The following ASTN2 variants were observed in gnomAD, a reference collection of about 807,000 sequenced individuals.
The protein encoded by ASTN2 is astrotactin-2.
In ASTN2, 54 loss-of-function variants were observed where a neutral mutation model predicts 139.8. The ratio of observed to expected loss-of-function variants is 0.39; its 90% confidence interval spans 0.31 to 0.48. The LOEUF is 0.48. Among genes scored for constraint, ASTN2 ranks in the 20% least tolerant of loss-of-function variants. The pLI is 0.95. For missense variants in ASTN2, 1,565 were observed against 1,725.1 expected (o/e 0.91, Z 1.64); for synonymous variants, 756 against 719.5 (o/e 1.05, Z -0.81).
At chr9:117,128,371 C>CAAAA (rs1167187783) in intron 4 of ASTN2, among the ~76,000 whole-genome samples, 4 of 66,442 alleles carry the variant, frequency 6.0e-5, no homozygotes, top group East Asian at 1.1e-3. Flanking sequence ...GACACTGTCT[C>CAAAA]AAAAAAAAAA....
At chr9:116,719,290 C>T (rs1039887668) in intron 16 of ASTN2, among the ~76,000 whole-genome samples, 5 of 152,018 alleles carry the variant, frequency 3.3e-5, no homozygotes, top group African/African-American at 1.2e-4. Flanking sequence ...AGCAGAAGAC[C>T]TTCTCAGAAA....
chr9:117,111,464 T>C, intron 4 of ASTN2, among the ~76,000 whole-genome samples: 1 of 146,850 alleles, frequency 6.8e-6, no homozygotes, highest in African/African-American at 2.7e-5. Flanking sequence ...ATGGGCTTAA[T>C]TAAATGAAGA....
At chr9:117,081,173 A>G (rs1828418100) in intron 5 of ASTN2, among the ~76,000 whole-genome samples, 1 of 152,220 alleles carries the variant, frequency 6.6e-6, no homozygotes, top group African/African-American at 2.4e-5. Context: ...TGCATGCTGA[A>G]TGCCTTGCAT....
chr9:117,053,626 C>G (rs1838977151), intron 5 of ASTN2, among the ~76,000 whole-genome samples: 1 of 152,202 alleles, frequency 6.6e-6, no homozygotes, highest in Admixed American at 6.5e-5. Flanking sequence ...CTTCTCAGTT[C>G]TCACTGGAGT....
At chr9:116,658,878 G>T (rs759577282) in intron 16 of ASTN2, among the ~76,000 whole-genome samples, 1 of 151,286 alleles carries the variant, frequency 6.6e-6, no homozygotes, top group Non-Finnish European at 1.5e-5. Flanking sequence ...TTTGTCAAAA[G>T]ATTTGATTAA....
intron 10 of ASTN2, among the ~76,000 whole-genome samples, chr9:116,974,625 C>A (rs1836295571): frequency 6.6e-6 from 1 of 151,544 alleles, no homozygotes; most frequent in Admixed American, 6.6e-5. Flanking sequence ...TCTCCAGCCT[C>A]ATCCTCCCAA....
At chr9:117,282,193 C>A (rs561282329) in intron 2 of ASTN2, among the ~76,000 whole-genome samples, 1 of 152,098 alleles carries the variant, frequency 6.6e-6, no homozygotes, top group East Asian at 1.9e-4. Flanking sequence ...TATTTCTCTC[C>A]GTCTCTAGTA....
At chr9:116,462,787 CATGTGTGTGTGT>C (rs1298191136) in intron 20 of ASTN2, among the ~76,000 whole-genome samples, 34 of 97,632 alleles carry the variant, frequency 3.5e-4, no homozygotes, top group African/African-American at 1.2e-3. Context: ...GTTGGGTGAG[CATGTGTGTGTGT>C]GTGTGTGTGT....
intron 2 of ASTN2, among the ~76,000 whole-genome samples, chr9:117,225,094 G>A (rs555334969): frequency 1.3e-5 from 2 of 152,222 alleles, no homozygotes; most frequent in South Asian, 2.1e-4. Flanking sequence ...TTTATTTCTG[G>A]TTGAATTTGA....
chr9:116,460,897 A>G (rs913814677), intron 20 of ASTN2, among the ~76,000 whole-genome samples: 1 of 152,170 alleles, frequency 6.6e-6, no homozygotes, highest in Non-Finnish European at 1.5e-5. Context: ...TTCTTAACAA[A>G]TGGTAACAGC....
At chr9:116,589,826 CATG>C (rs1402047609) in intron 19 of ASTN2, among the ~76,000 whole-genome samples, 1 of 152,214 alleles carries the variant, frequency 6.6e-6, no homozygotes, top group African/African-American at 2.4e-5. Context: ...CTTCCTCCCT[CATG>C]ATAAGTCCCC....
chr9:116,992,974 G>A (rs1350694397), intron 7 of ASTN2, among the ~76,000 whole-genome samples: 2 of 152,156 alleles, frequency 1.3e-5, no homozygotes, highest in Middle Eastern at 3.2e-3. Flanking sequence ...CATCACATCA[G>A]TCTTCCCCAT....
Position 117,399,852 on chromosome 9 carries a change from A to G in ASTN2, c.442+14645T>C, listed in dbSNP as rs975048995. On this transcript the variant is annotated intron_variant, in intron 1 of 22. Coordinates refer to ENST00000313400, the MANE Select transcript of ASTN2 (RefSeq NM_001365068.1). Reference sequence around the variant, plus strand: ...TGCTAATCCCAATTGACTGGAAGTGATTGATGAGGCATTGCATTGAGAAAG... The same window carrying G: ...TGCTAATCCCAATTGACTGGAAGTGGTTGATGAGGCATTGCATTGAGAAAG... Among the ~76,000 whole-genome samples, 12 of 152,224 alleles carry G rather than the reference A, an allele frequency of 7.9e-5. 1 individual carries two copies. Among genetic ancestry groups the G allele is most frequent in the Non-Finnish European group, 1.5e-5 (1 of 68,042 alleles).
chr9:116,613,062 A>G (rs1206859275), intron 19 of ASTN2: 1 of 152,200 alleles, frequency 6.6e-6, no homozygotes, highest in Non-Finnish European at 1.5e-5. Flanking sequence ...TCCCACAGAA[A>G]TACAAACTAC....
chr9:116,718,975 CAT>C (rs145923400), intron 16 of ASTN2, among the ~76,000 whole-genome samples: 6 of 116,560 alleles, frequency 5.1e-5, no homozygotes, highest in Non-Finnish European at 3.5e-5. Flanking sequence ...TGTATCTGTA[CAT>C]ATATATATAT....
intron 4 of ASTN2, among the ~76,000 whole-genome samples, chr9:117,104,827 T>C (rs1249909596): frequency 6.6e-6 from 1 of 152,210 alleles, no homozygotes. Flanking sequence ...ATAAGTACTC[T>C]TTATTGCTGC....
intron 3 of ASTN2, among the ~76,000 whole-genome samples, chr9:117,152,795 T>G (rs1176670063): frequency 6.6e-6 from 1 of 152,150 alleles, no homozygotes; most frequent in Non-Finnish European, 1.5e-5. Flanking sequence ...GAACTTGAAG[T>G]TCTCAGGTGA....
intron 12 of ASTN2, among the ~76,000 whole-genome samples, chr9:116,812,939 A>G (rs1235183532): frequency 6.6e-6 from 1 of 152,158 alleles, no homozygotes; most frequent in Non-Finnish European, 1.5e-5. Context: ...CTGAGTTTTG[A>G]AACAGGAGCA....
intron 4 of ASTN2, among the ~76,000 whole-genome samples, chr9:117,124,510 T>A (rs928514215): frequency 2.0e-5 from 3 of 152,194 alleles, no homozygotes; most frequent in Admixed American, 6.5e-5. Context: ...TAATATTGTA[T>A]ATAATCATTA....
Sources: allele counts gnomAD v4.1 joint callset (sites outside exome capture counted in the v4.1 genomes callset), GRCh38; gene constraint gnomAD v4.1.1; transcripts MANE v1.5; gene names NCBI Gene and HGNC (gene_info 2026-07-23, HGNC 2026-07-21).